SYT1: variants seen among roughly 807,000 people sequenced by gnomAD.
SYT1 encodes the protein synaptotagmin 1.
A neutral mutation model predicts 44.8 loss-of-function variants in SYT1; 8 were observed. The ratio of observed to expected loss-of-function variants is 0.18; its 90% CI spans 0.10 to 0.32. The LOEUF is 0.32. Among genes scored for constraint, SYT1 ranks in the 10% least tolerant of loss-of-function variants. The pLI is 1.00. For synonymous variants in SYT1, 154 were observed against 188.8 expected (o/e 0.82, Z 1.51); for missense variants, 286 against 509.3 (o/e 0.56, Z 4.22).
intron 1 of SYT1, among the ~76,000 whole-genome samples, chr12:78,911,566 CA>C (rs1301418016): frequency 1.4e-5 from 2 of 144,164 alleles, no homozygotes; most frequent in South Asian, 2.2e-4. Context: ...GATGCTGTAT[CA>C]AAAAAAAAAC....
At chr12:79,259,132 T>G (rs1045908293) in intron 4 of SYT1, among the ~76,000 whole-genome samples, 4 of 152,176 alleles carry the variant, frequency 2.6e-5, no homozygotes, top group African/African-American at 9.7e-5. Flanking sequence ...ATAAATCAGT[T>G]TCACCAATTT....
At chr12:78,885,054 C>T (rs574435910) in intron 1 of SYT1, among the ~76,000 whole-genome samples, 1 of 151,846 alleles carries the variant, frequency 6.6e-6, no homozygotes, top group Admixed American at 6.6e-5. Context: ...TAGGTCATAG[C>T]TGTTAAATGT....
chr12:79,041,732 G>C (rs1177031311), intron 2 of SYT1, among the ~76,000 whole-genome samples: 7 of 150,926 alleles, frequency 4.6e-5, no homozygotes, highest in Non-Finnish European at 7.4e-5. Flanking sequence ...TCCAGTTTTT[G>C]CCCATTCAGT....
intron 2 of SYT1, among the ~76,000 whole-genome samples, chr12:79,010,485 C>A (rs1437976915): frequency 6.6e-6 from 1 of 152,110 alleles, no homozygotes; most frequent in Non-Finnish European, 1.5e-5. Flanking sequence ...ATGAAGACCG[C>A]ACCTCTTTAT....
chr12:79,279,903 A>G (rs886464057), intron 4 of SYT1, among the ~76,000 whole-genome samples: 1 of 152,064 alleles, frequency 6.6e-6, no homozygotes, highest in Admixed American at 6.6e-5. Flanking sequence ...TAGCTGCAAA[A>G]AACATAAAAT....
At chr12:79,017,501 A>G (rs1871883833) in intron 2 of SYT1, among the ~76,000 whole-genome samples, 1 of 152,132 alleles carries the variant, frequency 6.6e-6, no homozygotes, top group Non-Finnish European at 1.5e-5. Flanking sequence ...ATGATTTTTC[A>G]AAGTATTTTA....
At chr12:79,081,385 T>C (rs1180400000) in intron 3 of SYT1, among the ~76,000 whole-genome samples, 3 of 135,730 alleles carry the variant, frequency 2.2e-5, no homozygotes, top group Non-Finnish European at 4.7e-5. Flanking sequence ...CAAATTCACT[T>C]TTTTTTTTTT....
chr12:79,311,036 G>A (rs1451373910), intron 8 of SYT1, among the ~76,000 whole-genome samples: 1 of 152,234 alleles, frequency 6.6e-6, no homozygotes, highest in African/African-American at 2.4e-5. Flanking sequence ...GCCCTGGCCA[G>A]ACTTCCAACA....
intron 6 of SYT1, among the ~76,000 whole-genome samples, chr12:79,295,280 A>G (rs1396637070): frequency 6.6e-6 from 1 of 152,142 alleles, no homozygotes; most frequent in Admixed American, 6.6e-5. Flanking sequence ...TATTAACCAT[A>G]CCATAATACC....
rs1870907018 is a variant in SYT1 at position 79,449,234 on chromosome 12, A to T, written c.*110A>T. The T allele has an allele frequency of 8.8e-7, 1 of 1,138,548 alleles. No homozygotes were observed. Among genetic ancestry groups the T allele is most frequent in the East Asian group, 2.6e-5 (1 of 38,642 alleles). 70.5% of individuals were successfully genotyped at this position (1,138,548 alleles called of 1,614,324 possible). On this transcript the variant is annotated 3_prime_UTR_variant, in exon 11 of 11. Coordinates refer to ENST00000261205, the MANE Select transcript of SYT1 (RefSeq NM_005639.3). ...ATTTTTCCAGCCATGCATTCCTAAC[A>T]CAATTCAGTGGTACTTGGAATCCTG...
At chr12:78,997,872 T>G (rs551220134) in intron 2 of SYT1, among the ~76,000 whole-genome samples, 2 of 152,240 alleles carry the variant, frequency 1.3e-5, no homozygotes, top group South Asian at 4.1e-4. Flanking sequence ...TCTGGAGAAG[T>G]GAGACTGACT....
chr12:79,282,334 A>C lies in SYT1; in HGVS notation c.167-3453A>C, dbSNP rs558451383. Among the ~76,000 whole-genome samples the C allele has an allele frequency of 2.6e-5, 4 of 152,318 alleles. No individual in the cohort carries two copies. The East Asian group carries it at 7.7e-4, about 29-fold the overall frequency. On this transcript the variant is annotated intron_variant, in intron 4 of 10. Coordinates refer to ENST00000261205, the MANE Select transcript of SYT1 (RefSeq NM_005639.3). ...TTTAAATTAATTTGCCTTGTACTTAATTATTATGTATCAATTTACCTTTGG... is the reference window on the plus strand; with the variant it reads ...TTTAAATTAATTTGCCTTGTACTTACTTATTATGTATCAATTTACCTTTGG...
intron 2 of SYT1, among the ~76,000 whole-genome samples, chr12:78,979,147 A>G (rs1016783879): frequency 1.3e-5 from 2 of 152,206 alleles, no homozygotes; most frequent in Non-Finnish European, 2.9e-5. Context: ...CAGTATTGAT[A>G]GTACTTCAGT....
chr12:78,915,738 A>T (rs1176271896), intron 1 of SYT1, among the ~76,000 whole-genome samples: 1 of 151,896 alleles, frequency 6.6e-6, no homozygotes, highest in Non-Finnish European at 1.5e-5. Context: ...ATGTTTTAAA[A>T]TTTTATGTCC....
At chr12:79,332,508 A>G (rs1371057049) in intron 8 of SYT1, among the ~76,000 whole-genome samples, 1 of 152,242 alleles carries the variant, frequency 6.6e-6, no homozygotes, top group Non-Finnish European at 1.5e-5. Flanking sequence ...TTTAAGGCCT[A>G]CATGGGAAAT....
chr12:79,282,088 C>A (rs1020869600), intron 4 of SYT1, among the ~76,000 whole-genome samples: 3 of 152,180 alleles, frequency 2.0e-5, no homozygotes, highest in Non-Finnish European at 2.9e-5. Context: ...TTTCTGCCTG[C>A]CTCTTTCACT....
chr12:78,917,822 G>A (rs1592557994), intron 1 of SYT1, among the ~76,000 whole-genome samples: 1 of 151,910 alleles, frequency 6.6e-6, no homozygotes, highest in South Asian at 2.1e-4. Flanking sequence ...TTGTTGGATA[G>A]CCTAAAACAC....
intron 9 of SYT1, among the ~76,000 whole-genome samples, chr12:79,382,658 C>T (rs192368314): frequency 1.3e-5 from 2 of 152,286 alleles, no homozygotes; most frequent in East Asian, 3.8e-4. Context: ...TTGAAATGAT[C>T]CATCTTATTA....
At chr12:79,079,112 A>T (rs992482844) in intron 3 of SYT1, among the ~76,000 whole-genome samples, 1 of 152,184 alleles carries the variant, frequency 6.6e-6, no homozygotes, top group Admixed American at 6.6e-5. Context: ...TAACTAAAGA[A>T]TGAATAGAAA....
Sources: gnomAD v4.1 joint callset for allele counts (sites outside exome capture counted in the v4.1 genomes callset) on GRCh38, gnomAD v4.1.1 for gene constraint, MANE v1.5 for transcripts, NCBI Gene and HGNC (gene_info 2026-07-23, HGNC 2026-07-21) for gene names.